The following MACROD2 variants were observed in gnomAD, a reference collection of about 807,000 sequenced individuals.
The protein encoded by MACROD2 is ADP-ribose glycohydrolase MACROD2.
MACROD2 carries 36 observed loss-of-function variants against 70.4 expected under a neutral mutation model. The observed-to-expected ratio is 0.51, with a 90% CI of 0.39 to 0.68. MACROD2 has a LOEUF of 0.68. Among genes scored for constraint, MACROD2 ranks in the 30% least tolerant of loss-of-function variants. The pLI is 0.00. For synonymous variants in MACROD2, 172 were observed against 178.8 expected (o/e 0.96, Z 0.30); for missense variants, 496 against 538.4 (o/e 0.92, Z 0.78).
At chr20:14,696,815 C>G (rs910089975) in intron 5 of MACROD2, among the ~76,000 whole-genome samples, 1 of 152,120 alleles carries the variant, frequency 6.6e-6, no homozygotes, top group East Asian at 1.9e-4. Flanking sequence ...CTTTCTTTTA[C>G]TGATGCTCAG....
intron 6 of MACROD2, among the ~76,000 whole-genome samples, chr20:15,319,938 T>C (rs1402705095): frequency 5.3e-5 from 8 of 152,244 alleles, no homozygotes; most frequent in Middle Eastern, 3.4e-3. Context: ...AGTTTTTTCA[T>C]TGCCAGGGGG....
intron 3 of MACROD2, among the ~76,000 whole-genome samples, chr20:14,418,713 C>A (rs915695274): frequency 1.3e-5 from 2 of 152,180 alleles, no homozygotes; most frequent in Non-Finnish European, 2.9e-5. Context: ...CTGACTTTAA[C>A]ACATGGAACT....
At chr20:15,669,235 G>A (rs1234127596) in intron 8 of MACROD2, among the ~76,000 whole-genome samples, 4 of 152,208 alleles carry the variant, frequency 2.6e-5, no homozygotes, top group Non-Finnish European at 5.9e-5. Context: ...CTGATTTGTT[G>A]ACAACATTGT....
chr20:14,983,822 A>G (rs1021467843), intron 5 of MACROD2, among the ~76,000 whole-genome samples: 1 of 152,232 alleles, frequency 6.6e-6, no homozygotes, highest in African/African-American at 2.4e-5. Flanking sequence ...AAGGTCCTCC[A>G]ATAATGGTAA....
At chr20:14,227,547 C>T (rs2081753026) in intron 3 of MACROD2, among the ~76,000 whole-genome samples, 1 of 152,136 alleles carries the variant, frequency 6.6e-6, no homozygotes, top group Non-Finnish European at 1.5e-5. Context: ...CCAGCGAGAC[C>T]ATGCACCCAC....
chr20:14,696,029 G>T (rs768023154), intron 5 of MACROD2, among the ~76,000 whole-genome samples: 2 of 152,182 alleles, frequency 1.3e-5, no homozygotes, highest in Non-Finnish European at 2.9e-5. Flanking sequence ...ACCTGCCTGT[G>T]TCAGAGACAG....
intron 3 of MACROD2, among the ~76,000 whole-genome samples, chr20:14,338,174 G>A (rs1446799179): frequency 6.6e-6 from 1 of 152,180 alleles, no homozygotes; most frequent in African/African-American, 2.4e-5. Context: ...GGCCGAGGTG[G>A]GAGGATCACC....
At chr20:15,535,525 A>G (rs1378858438) in intron 8 of MACROD2, among the ~76,000 whole-genome samples, 1 of 152,210 alleles carries the variant, frequency 6.6e-6, no homozygotes, top group Non-Finnish European at 1.5e-5. Context: ...ACACTATGAT[A>G]TTAAAGGGCG....
chr20:15,713,606 A>G (rs2050660562), intron 8 of MACROD2, among the ~76,000 whole-genome samples: 2 of 152,234 alleles, frequency 1.3e-5, no homozygotes, highest in East Asian at 1.9e-4. Flanking sequence ...TGAGAACTCT[A>G]TCATGAGATG....
intron 8 of MACROD2, among the ~76,000 whole-genome samples, chr20:15,701,495 T>C (rs531667311): frequency 4.6e-5 from 7 of 152,342 alleles, no homozygotes; most frequent in African/African-American, 1.4e-4. Flanking sequence ...TCTATAACTC[T>C]AGCGCATGTT....
intron 8 of MACROD2, among the ~76,000 whole-genome samples, chr20:15,699,634 G>A (rs768108965): frequency 1.3e-5 from 2 of 152,134 alleles, no homozygotes; most frequent in East Asian, 3.9e-4. Context: ...GTTTCCAGGC[G>A]GAGGGTGAGA....
At chr20:15,093,438 A>G (rs1438426650) in intron 5 of MACROD2, among the ~76,000 whole-genome samples, 1 of 151,902 alleles carries the variant, frequency 6.6e-6, no homozygotes, top group Non-Finnish European at 1.5e-5. Flanking sequence ...TCTTTGCTCC[A>G]ATGTTTAAAT....
chr20:15,692,699 G>C (rs1268181017), intron 8 of MACROD2, among the ~76,000 whole-genome samples: 1 of 152,090 alleles, frequency 6.6e-6, no homozygotes, highest in Non-Finnish European at 1.5e-5. Flanking sequence ...AATGACAAAA[G>C]TAATAGTAAT....
intron 15 of MACROD2, among the ~76,000 whole-genome samples, chr20:16,036,063 A>C (rs760912871): frequency 6.6e-6 from 1 of 152,006 alleles, no homozygotes; most frequent in Non-Finnish European, 1.5e-5. Context: ...TGAAGTTGGA[A>C]CATAGGTATG....
chr20:14,264,140 C>A (rs904476085), intron 3 of MACROD2, among the ~76,000 whole-genome samples: 2 of 146,414 alleles, frequency 1.4e-5, no homozygotes, highest in African/African-American at 5.1e-5. Context: ...TGCAATTTGG[C>A]TGATGATCCA....
At chr20:15,446,046 C>G (rs550572342) in intron 7 of MACROD2, among the ~76,000 whole-genome samples, 3 of 152,132 alleles carry the variant, frequency 2.0e-5, no homozygotes, top group Non-Finnish European at 4.4e-5. Flanking sequence ...TGAATTGAGG[C>G]TTTTCCAGAA....
chr20:15,904,006 A>G (rs1474273848), intron 10 of MACROD2, among the ~76,000 whole-genome samples: 1 of 152,214 alleles, frequency 6.6e-6, no homozygotes, highest in Non-Finnish European at 1.5e-5. Context: ...CTCCGCCACT[A>G]CTGAATCCAG....
intron 8 of MACROD2, among the ~76,000 whole-genome samples, chr20:15,633,139 T>A (rs2049316176): frequency 6.6e-6 from 1 of 152,236 alleles, no homozygotes; most frequent in South Asian, 2.1e-4. Flanking sequence ...CTCATTGATG[T>A]TTTTTGTGGA....
intron 5 of MACROD2, among the ~76,000 whole-genome samples, chr20:14,800,699 G>A (rs1490497449): frequency 1.3e-5 from 2 of 152,054 alleles, no homozygotes; most frequent in African/African-American, 4.8e-5. Flanking sequence ...GTACTTTAGG[G>A]AACTTGTGAA....
Sources: gnomAD v4.1 joint callset for allele counts (sites outside exome capture counted in the v4.1 genomes callset) on GRCh38, gnomAD v4.1.1 for gene constraint, MANE v1.5 for transcripts, NCBI Gene and HGNC (gene_info 2026-07-23, HGNC 2026-07-21) for gene names.